Variants in PRKDC observed in about 807,000 individuals in gnomAD.
PRKDC encodes the protein DNA-dependent protein kinase catalytic subunit.
Under a neutral mutation model 486.9 loss-of-function variants are expected in PRKDC, and 82 were observed. The ratio of observed to expected loss-of-function variants is 0.17; its 90% CI spans 0.14 to 0.20. PRKDC has a LOEUF of 0.20. PRKDC is among the 10% of genes least tolerant of loss of function. The probability of loss-of-function intolerance (pLI) is 1.00; values close to 1 mark genes in which losing one functional copy is unlikely to be tolerated. For synonymous variants in PRKDC, 1,895 were observed against 1,837.0 expected (o/e 1.03, Z -0.81); for missense variants, 4,504 against 5,038.2 (o/e 0.89, Z 3.21).
chr8:47,826,970 A>G, intron 62 of PRKDC, 109 bp from the exon 63 acceptor site: 2 of 1,035,334 alleles, frequency 1.9e-6, no homozygotes, highest in Non-Finnish European at 2.7e-6. Context: ...GTGGGTAGTG[A>G]TATCACCAGA....
chr8:47,791,590 A>G (rs1466808718), intron 74 of PRKDC, among the ~76,000 whole-genome samples: 1 of 152,242 alleles, frequency 6.6e-6, no homozygotes, highest in Non-Finnish European at 1.5e-5. Context: ...GACATTTCTC[A>G]AAAGAAAACA....
At chr8:47,940,010 A>G (rs1457156024) in intron 10 of PRKDC, 1 of 176,460 alleles carries the variant, frequency 5.7e-6, no homozygotes, top group African/African-American at 2.4e-5. Flanking sequence ...TGAGGAAGCA[A>G]AGAGCAGTCT....
intron 29 of PRKDC, 100 bp from the exon 30 acceptor site, chr8:47,897,394 T>C: frequency 1.7e-6 from 2 of 1,193,106 alleles, no homozygotes; most frequent in South Asian, 2.5e-5. Flanking sequence ...CACACAGATA[T>C]ATGTAGAAAT....
chr8:47,832,242 G>A (rs955701524), intron 59 of PRKDC, among the ~76,000 whole-genome samples: 68 of 152,236 alleles, frequency 4.5e-4, no homozygotes, highest in African/African-American at 1.6e-3. Context: ...CTGCCTCGGA[G>A]GCTTCAACAC....
intron 58 of PRKDC, among the ~76,000 whole-genome samples, chr8:47,834,847 C>T (rs895741558): frequency 7.9e-5 from 12 of 151,850 alleles, no homozygotes; most frequent in African/African-American, 2.4e-4. Context: ...CCCGCTACCA[C>T]GCCCGGCTAA....
chr8:47,948,923 A>C (rs916364825), intron 7 of PRKDC, among the ~76,000 whole-genome samples: 2 of 152,252 alleles, frequency 1.3e-5, no homozygotes, highest in Non-Finnish European at 2.9e-5. Context: ...TGCCATAACA[A>C]CTTACCACAA....
chr8:47,950,692 G>T (rs1185965304), intron 7 of PRKDC, among the ~76,000 whole-genome samples: 3 of 150,438 alleles, frequency 2.0e-5, no homozygotes, highest in Non-Finnish European at 3.0e-5. Context: ...AAAAAGAAAA[G>T]AATTTCATTG....
intron 33 of PRKDC, 116 bp downstream of exon 33, chr8:47,888,898 C>T (rs1383452115): frequency 1.7e-6 from 2 of 1,150,320 alleles, no homozygotes; most frequent in African/African-American, 3.1e-5. Context: ...TGGCAGCAAA[C>T]ATCCCACTGA....
chr8:47,837,675 T>C (rs750707701), intron 56 of PRKDC, among the ~76,000 whole-genome samples: 1 of 152,072 alleles, frequency 6.6e-6, no homozygotes, highest in Non-Finnish European at 1.5e-5. Context: ...GATTTTATTC[T>C]CTTATCTCTA....
chr8:47,956,870 A>G (rs1250285015), intron 3 of PRKDC, among the ~76,000 whole-genome samples: 1 of 151,556 alleles, frequency 6.6e-6, no homozygotes, highest in East Asian at 1.9e-4. Flanking sequence ...AGGAAAAAAA[A>G]GTATTAAGAT....
intron 56 of PRKDC, among the ~76,000 whole-genome samples, chr8:47,838,719 C>A (rs1044951191): frequency 6.6e-6 from 1 of 152,222 alleles, no homozygotes; most frequent in Non-Finnish European, 1.5e-5. Context: ...TAGAGGGTAA[C>A]AATCATCATT....
rs1380371719 is a variant in PRKDC at position 47,918,367 on chromosome 8, G to A, written c.2436C>T (p.Asn812=). ...CCCGAGAAAGAGCTGACACTTCCCA[G>A]TTATTCTTGGTCTCATCTATCAATA... ...TSALSDETKN[N]WEVSALSRAA... The change falls in exon 22 of 86, where the codon AAC becomes AAT. Residue 812 remains asparagine (N), a synonymous_variant. Coordinates refer to ENST00000314191, the MANE Select transcript of PRKDC (RefSeq NM_006904.7). 3 of 1,580,440 alleles carry A rather than the reference G, an allele frequency of 1.9e-6. No individual in the cohort carries two copies. The highest frequency in any genetic ancestry group is 2.6e-6 in the Non-Finnish European group (3 of 1,161,910).
intron 36 of PRKDC, among the ~76,000 whole-genome samples, chr8:47,883,716 A>G (rs965720744): frequency 6.6e-6 from 1 of 152,104 alleles, no homozygotes; most frequent in African/African-American, 2.4e-5. Flanking sequence ...TCTGATGTTC[A>G]TTCTCCATAG....
chr8:47,849,425 C>T lies in PRKDC; in HGVS notation c.7084G>A (p.Val2362Met). Reference sequence around the variant, plus strand: ...CTCTTGGTCACTTTGTTCAAGCACACAATAAACTTGTCCTCCATAGTATTC... The same window carrying T: ...CTCTTGGTCACTTTGTTCAAGCACATAATAAACTTGTCCTCCATAGTATTC... Reference protein sequence around the residue: ...HQNTMEDKFIVCLNKVTKSFP... With the variant: ...HQNTMEDKFIMCLNKVTKSFP... Residue 2362 changes from valine to methionine, a missense_variant, in exon 53 of 86, where the codon GTG (valine) becomes ATG (methionine). Around this residue, in one of 6 missense-constraint regions of PRKDC, gnomAD observed 1,592 missense variants for 1,724.6 expected, o/e 0.92. Coordinates refer to ENST00000314191, the MANE Select transcript of PRKDC (RefSeq NM_006904.7). 6.2e-7 allele frequency: 1 copy of T among 1,613,994 alleles called. No individual in the cohort carries two copies. Among genetic ancestry groups the T allele is most frequent in the Non-Finnish European group, 8.5e-7 (1 of 1,179,906 alleles).
In PRKDC at chr8:47,955,387, G is replaced by A. The variant is rs113457259; in HGVS notation, c.399+487C>T. ...TGAGGCAGGAGAATGGCGTGAACCC[G>A]GGAGGCGGAGCTTGCAGTGAGCCGA... is the stretch of plus-strand genomic sequence containing the variant. On this transcript the variant is annotated intron_variant, in intron 4 of 85. Coordinates refer to ENST00000314191, the MANE Select transcript of PRKDC (RefSeq NM_006904.7). 4.4e-3 allele frequency among the ~76,000 whole-genome samples: 635 copies of A among 145,714 alleles called. 6 individuals are homozygous for A. The highest frequency in any genetic ancestry group is 6.8e-3 in the Admixed American group (99 of 14,608).
In PRKDC at chr8:47,844,053, C is replaced by T. The variant is rs1386431828; in HGVS notation, c.7281-3864G>A. Among the ~76,000 whole-genome samples, 3 of 152,138 alleles carry T rather than the reference C, an allele frequency of 2.0e-5. No individual in the cohort carries two copies. The East Asian group carries it at 5.8e-4, about 29-fold the overall frequency. The stretch of plus-strand genomic sequence containing the variant: ...CAAAACCTCACATATCAATATAAAC[C>T]TTGAATGTAAATGGTCTAAAGGCCC... On this transcript the variant is annotated intron_variant, in intron 54 of 85. Transcript: ENST00000314191.
At chr8:47,902,872 G>A (rs1263460682) in intron 26 of PRKDC, 77 bp from the exon 27 acceptor site, 4 of 1,096,006 alleles carry the variant, frequency 3.6e-6, no homozygotes, top group East Asian at 2.5e-5. Flanking sequence ...GTCTATCTCT[G>A]AGCATAACTA....
At position 47,888,663 on chromosome 8, in the gene PRKDC, C is replaced by A; in HGVS notation, c.4281-13G>T. ...AAGCTCCTCAATGCTGGCCATGTGACAAAACAGTAAATTAGGTGAGCTCTG... is the reference window on the plus strand; with the variant it reads ...AAGCTCCTCAATGCTGGCCATGTGAAAAAACAGTAAATTAGGTGAGCTCTG... On this transcript the variant is annotated splice_polypyrimidine_tract_variant and intron_variant, in intron 33 of 85. Transcript: ENST00000314191. 1 of 1,562,056 alleles carries A rather than the reference C, an allele frequency of 6.4e-7. No individual in the cohort carries two copies.
rs8178057 is a variant in PRKDC at position 47,913,822 on chromosome 8, A to G, written c.2781+79T>C. 7.7e-3 allele frequency: 9,991 copies of G among 1,303,706 alleles called. 286 individuals are homozygous for G. The African/African-American group carries it at 0.081, about 11-fold the overall frequency. The allele number at this position is 1,303,706 out of a possible 1,614,324, so 80.8% of individuals were successfully genotyped here. On this transcript the variant is annotated intron_variant, in intron 24 of 85. Coordinates refer to ENST00000314191, the MANE Select transcript of PRKDC (RefSeq NM_006904.7). ...TTACTAATATTGGAATGGCTGAAAC[A>G]TGTTCTCTATATCCTAAGCAATATG...
Sources: allele counts gnomAD v4.1 joint callset (sites outside exome capture counted in the v4.1 genomes callset), GRCh38; gene constraint gnomAD v4.1.1; regional missense constraint gnomAD v4.1.1; transcripts MANE v1.5; gene names NCBI Gene and HGNC (gene_info 2026-07-23, HGNC 2026-07-21).